Variants in GRIK2 observed in about 807,000 individuals in gnomAD.
GRIK2 encodes glutamate ionotropic receptor kainate type subunit 2, also known as glutamate receptor ionotropic, kainate 2.
In GRIK2, 32 loss-of-function variants were observed where a neutral mutation model predicts 100.3. That is an observed-to-expected ratio of 0.32 (90% CI 0.24 to 0.43). The LOEUF (loss-of-function observed/expected upper bound fraction) is 0.43. Ranked by LOEUF, GRIK2 falls within the 20% of genes least tolerant of loss-of-function variation. The probability of loss-of-function intolerance (pLI) is 1.00; values close to 1 mark genes in which losing one functional copy is unlikely to be tolerated. For synonymous variants in GRIK2, 417 were observed against 389.4 expected (o/e 1.07, Z -0.83); for missense variants, 843 against 1,114.9 (o/e 0.76, Z 3.47).
intron 6 of GRIK2, among the ~76,000 whole-genome samples, chr6:101,683,180 G>A (rs138807716): frequency 0.016 from 2,466 of 150,712 alleles, 66 homozygotes; most frequent in African/African-American, 0.058. Context: ...CAGCCTGGGC[G>A]ACAGAGCTAG....
chr6:101,572,244 C>G (rs1777574352), intron 2 of GRIK2, among the ~76,000 whole-genome samples: 1 of 152,050 alleles, frequency 6.6e-6, no homozygotes, highest in South Asian at 2.1e-4. Flanking sequence ...CAAATTCTTT[C>G]TAATGCCTTT....
chr6:101,976,990 A>C (rs1389171228), intron 14 of GRIK2, among the ~76,000 whole-genome samples: 1 of 151,980 alleles, frequency 6.6e-6, no homozygotes, highest in Non-Finnish European at 1.5e-5. Context: ...CCATGTGTAC[A>C]TGTAATTGTC....
At chr6:101,955,171 A>AT (rs1011340103) in intron 14 of GRIK2, among the ~76,000 whole-genome samples, 2 of 151,750 alleles carry the variant, frequency 1.3e-5, no homozygotes, top group South Asian at 2.1e-4. Flanking sequence ...TTTTCTTGTG[A>AT]TTTTTTTGGG....
chr6:101,473,364 C>T (rs772176703), intron 2 of GRIK2, among the ~76,000 whole-genome samples: 14 of 151,402 alleles, frequency 9.2e-5, no homozygotes, highest in East Asian at 1.9e-4. Context: ...AAATGGTACC[C>T]GAGTTTTTCT....
At chr6:101,408,375 TGA>T (rs3058218) in intron 2 of GRIK2, among the ~76,000 whole-genome samples, 52,887 of 147,468 alleles carry the variant, frequency 0.36, 9,265 homozygotes, top group African/African-American at 0.41. Context: ...AGGGAGGAAG[TGA>T]GAGAGAGAGA....
chr6:102,053,869 C>G (rs1004176169), intron 15 of GRIK2, among the ~76,000 whole-genome samples: 2 of 152,158 alleles, frequency 1.3e-5, no homozygotes, highest in Non-Finnish European at 2.9e-5. Context: ...AGTGAGTGAT[C>G]AAGACAGAAA....
Position 101,963,278 on chromosome 6 carries a change from A to AT in GRIK2, c.2085+34683dup, listed in dbSNP as rs3029099. On this transcript the variant is annotated intron_variant, in intron 14 of 16. Coordinates refer to ENST00000369134, the MANE Select transcript of GRIK2 (RefSeq NM_021956.5). ...TATTTCATATTTATACTTATTTAGG[A>AT]TTTTTTTTTTTTTTTTTTTTTTTTT... is the stretch of plus-strand genomic sequence containing the variant. Among the ~76,000 whole-genome samples the AT allele has an allele frequency of 2.9e-3, 80 of 27,840 alleles. 32 individuals are homozygous for AT. Among genetic ancestry groups the AT allele is most frequent in the Non-Finnish European group, 3.7e-3 (52 of 14,018 alleles). 18.3% of individuals were successfully genotyped at this position (27,840 alleles called of 152,430 possible).
intron 4 of GRIK2, among the ~76,000 whole-genome samples, chr6:101,653,572 C>T (rs1161021846): frequency 6.6e-6 from 1 of 152,084 alleles, no homozygotes. Flanking sequence ...GAGTCAAGCC[C>T]TCCTCTTTGC....
At position 101,883,289 on chromosome 6, in the gene GRIK2, AAATAATAAT is replaced by A. The variant is rs143808702; in HGVS notation, c.1525-6325_1525-6317del. On this transcript the variant is annotated intron_variant, in intron 11 of 16. Coordinates refer to ENST00000369134, the MANE Select transcript of GRIK2 (RefSeq NM_021956.5). ...AAACCTCAAGAGTATTCTCTTTGGC[AAATAATAAT>A]AATAATAATAATAATAATAATAATA... Among the ~76,000 whole-genome samples, 122 of 144,302 alleles carry A rather than the reference AAATAATAAT, an allele frequency of 8.5e-4. 1 individual carries two copies. The East Asian group carries it at 0.01, about 12-fold the overall frequency. 94.7% of individuals were successfully genotyped at this position (144,302 alleles called of 152,430 possible).
At chr6:101,806,429 C>G (rs4839802) in intron 9 of GRIK2, among the ~76,000 whole-genome samples, 25,237 of 151,952 alleles carry the variant, frequency 0.17, 3,196 homozygotes, top group East Asian at 0.66. Flanking sequence ...AAGCCTCTCT[C>G]TTCAATTCTG....
At chr6:101,718,597 A>G (rs1224561920) in intron 7 of GRIK2, among the ~76,000 whole-genome samples, 4 of 151,904 alleles carry the variant, frequency 2.6e-5, no homozygotes, top group African/African-American at 9.7e-5. Context: ...TCCCTCCATT[A>G]TCTAGACTGT....
At chr6:101,511,064 G>A (rs920356322) in intron 2 of GRIK2, among the ~76,000 whole-genome samples, 1 of 152,184 alleles carries the variant, frequency 6.6e-6, no homozygotes, top group Non-Finnish European at 1.5e-5. Flanking sequence ...CAAACATCCA[G>A]TTATCTGGGC....
chr6:101,559,567 C>T (rs960234879), intron 2 of GRIK2, among the ~76,000 whole-genome samples: 1 of 152,060 alleles, frequency 6.6e-6, no homozygotes, highest in African/African-American at 2.4e-5. Context: ...AAGACAGGGA[C>T]TTCACTATAT....
At chr6:101,505,262 T>C (rs1773963707) in intron 2 of GRIK2, among the ~76,000 whole-genome samples, 1 of 152,274 alleles carries the variant, frequency 6.6e-6, no homozygotes, top group East Asian at 1.9e-4. Context: ...TGGCACGTTT[T>C]GTGCCAAGAG....
intron 4 of GRIK2, among the ~76,000 whole-genome samples, chr6:101,669,314 A>ATGTGG: frequency 6.6e-6 from 1 of 152,158 alleles, no homozygotes; most frequent in Non-Finnish European, 1.5e-5. Context: ...TTGTTTGTAA[A>ATGTGG]TTATTTATAT....
intron 2 of GRIK2, among the ~76,000 whole-genome samples, chr6:101,490,175 ATAAT>A (rs67392631): frequency 0.19 from 27,900 of 146,048 alleles, 6,366 homozygotes; most frequent in African/African-American, 0.4. Flanking sequence ...TAAGCACTAA[ATAAT>A]TAAGTATTTA....
intron 10 of GRIK2, among the ~76,000 whole-genome samples, chr6:101,849,871 AGGCACCATT>A (rs1483078885): frequency 3.6e-4 from 53 of 146,600 alleles, no homozygotes; most frequent in Non-Finnish European, 6.6e-4. Context: ...GGAAAAAAAA[AGGCACCATT>A]AGGTAATATT....
intron 7 of GRIK2, among the ~76,000 whole-genome samples, chr6:101,782,126 C>G (rs1030110513): frequency 2.0e-5 from 3 of 152,156 alleles, no homozygotes; most frequent in African/African-American, 7.2e-5. Context: ...AGGATATTCA[C>G]TACTTCTAGC....
At chr6:101,534,128 CAT>C (rs1251261242) in intron 2 of GRIK2, among the ~76,000 whole-genome samples, 2 of 112,400 alleles carry the variant, frequency 1.8e-5, no homozygotes, top group South Asian at 2.7e-4. Flanking sequence ...TTGTGATACA[CAT>C]AGTTTTATTT....
Sources: allele counts gnomAD v4.1 joint callset (sites outside exome capture counted in the v4.1 genomes callset), GRCh38; gene constraint gnomAD v4.1.1; transcripts MANE v1.5; gene names NCBI Gene and HGNC (gene_info 2026-07-23, HGNC 2026-07-21).